CRACD: variants seen among roughly 807,000 people sequenced by gnomAD.
The protein encoded by CRACD is capping protein inhibiting regulator of actin dynamics.
In CRACD, 56 loss-of-function variants were observed where a neutral mutation model predicts 106.8. The observed-to-expected ratio is 0.52, with a 90% CI of 0.42 to 0.66. The LOEUF is 0.66. Ranked by LOEUF, CRACD falls within the 30% of genes least tolerant of loss-of-function variation. The pLI is 0.00. For synonymous variants in CRACD, 754 were observed against 670.8 expected (o/e 1.12, Z -1.92); for missense variants, 1,730 against 1,623.2 (o/e 1.07, Z -1.13).
chr4:56,246,205 C>T (rs1378346940), intron 2 of CRACD, among the ~76,000 whole-genome samples: 1 of 152,140 alleles, frequency 6.6e-6, no homozygotes, highest in Non-Finnish European at 1.5e-5. Context: ...ATTTTTCTAT[C>T]CTCTGAAAGT....
chr4:56,277,125 A>G (rs1432074747), intron 3 of CRACD, among the ~76,000 whole-genome samples: 1 of 152,124 alleles, frequency 6.6e-6, no homozygotes, highest in African/African-American at 2.4e-5. Flanking sequence ...ATAGGAGGGA[A>G]CTTTCCAACT....
At chr4:56,161,074 T>A (rs778563372) in intron 1 of CRACD, among the ~76,000 whole-genome samples, 10 of 152,180 alleles carry the variant, frequency 6.6e-5, no homozygotes, top group Non-Finnish European at 1.2e-4. Flanking sequence ...AAAAACTCAT[T>A]AATGTCTTTA....
At chr4:56,052,681 A>G (rs1731915996) in intron 1 of CRACD, among the ~76,000 whole-genome samples, 1 of 152,192 alleles carries the variant, frequency 6.6e-6, no homozygotes, top group African/African-American at 2.4e-5. Context: ...TTTACATTTG[A>G]TAATTGAAAT....
At chr4:56,085,976 ATTC>A (rs1733204917) in intron 1 of CRACD, among the ~76,000 whole-genome samples, 1 of 152,100 alleles carries the variant, frequency 6.6e-6, no homozygotes, top group African/African-American at 2.4e-5. Flanking sequence ...ACTATTTCCT[ATTC>A]TTCAATTCTC....
chr4:56,080,346 A>G (rs984280895), intron 1 of CRACD, among the ~76,000 whole-genome samples: 2 of 152,214 alleles, frequency 1.3e-5, no homozygotes, highest in Admixed American at 6.5e-5. Flanking sequence ...GATTTAAACA[A>G]TTCTAAATTT....
intron 2 of CRACD, among the ~76,000 whole-genome samples, chr4:56,195,140 T>C (rs1283133342): frequency 2.0e-5 from 3 of 152,148 alleles, no homozygotes; most frequent in Admixed American, 2.0e-4. Flanking sequence ...AATAAAAGGA[T>C]ATTTTGAGTT....
At chr4:56,225,582 C>T (rs1739260903) in intron 2 of CRACD, among the ~76,000 whole-genome samples, 1 of 152,090 alleles carries the variant, frequency 6.6e-6, no homozygotes, top group African/African-American at 2.4e-5. Flanking sequence ...TCCCCAAGTA[C>T]CCCTTATTCT....
Position 56,316,469 on chromosome 4 carries a change from G to A in CRACD, c.2967G>A (p.Leu989=), listed in dbSNP as rs371814523. 7.8e-5 allele frequency: 126 copies of A among 1,613,882 alleles called. No homozygotes were observed. Among genetic ancestry groups the A allele is most frequent in the Middle Eastern group, 3.3e-4 (2 of 6,084 alleles). Residue 989 remains leucine (L), a synonymous_variant, in exon 8 of 11, where the codon CTG becomes CTA. Transcript: ENST00000682029. The part of the protein sequence containing the change: ...KLSRPYLVEL[L]SRRAGRPDPE... ...GCAGGCCCTACTTGGTAGAGCTGCT[G>A]TCTCGCCGAGCGGGGAGGCCGGACC...
chr4:56,275,733 T>G (rs1742638336), intron 3 of CRACD, among the ~76,000 whole-genome samples: 1 of 152,240 alleles, frequency 6.6e-6, no homozygotes, highest in Admixed American at 6.5e-5. Flanking sequence ...TTATTTGCTA[T>G]CTCCAAAATG....
At position 56,098,704 on chromosome 4, in the gene CRACD, T is replaced by G. The variant is rs183802261; in HGVS notation, c.-336+49405T>G. ...TTGAAACTTGGTGCAATCTATTCTT[T>G]TTTTTGAGACAGAGGCTTGCTCTGT... is the stretch of plus-strand genomic sequence containing the variant. On this transcript the variant is annotated intron_variant, in intron 1 of 10. Transcript: ENST00000682029. Among the ~76,000 whole-genome samples the G allele has an allele frequency of 5.3e-5, 8 of 152,306 alleles. No individual in the cohort carries two copies. In the East Asian group the frequency reaches 1.5e-3, roughly 29 times the overall value.
At chr4:56,282,397 T>C (rs1335317962) in intron 3 of CRACD, among the ~76,000 whole-genome samples, 1 of 152,194 alleles carries the variant, frequency 6.6e-6, no homozygotes, top group Non-Finnish European at 1.5e-5. Flanking sequence ...TTTCCCTCTG[T>C]AGGCTCACAC....
chr4:56,112,510 A>G (rs913834528), intron 1 of CRACD, among the ~76,000 whole-genome samples: 5 of 134,516 alleles, frequency 3.7e-5, no homozygotes, highest in Non-Finnish European at 4.6e-5. Context: ...GCGGAAAGGA[A>G]TGTTAGCTCT....
chr4:56,316,790 A>G (rs1745701946), intron 8 of CRACD, 101 bp downstream of exon 8: 2 of 1,378,468 alleles, frequency 1.5e-6, no homozygotes, highest in Admixed American at 2.5e-5. Context: ...ATTTACCAAC[A>G]ATACAGATTT....
At chr4:56,110,179 T>C (rs1734071439) in intron 1 of CRACD, among the ~76,000 whole-genome samples, 1 of 152,110 alleles carries the variant, frequency 6.6e-6, no homozygotes, top group South Asian at 2.1e-4. Flanking sequence ...CACATAGATA[T>C]AAGAAGGCAG....
At chr4:56,188,982 G>A (rs769940311) in intron 2 of CRACD, among the ~76,000 whole-genome samples, 1 of 152,044 alleles carries the variant, frequency 6.6e-6, no homozygotes, top group African/African-American at 2.4e-5. Flanking sequence ...TAAGGAGTTC[G>A]AGACCAGCCT....
intron 1 of CRACD, among the ~76,000 whole-genome samples, chr4:56,124,636 A>G (rs1389646702): frequency 3.9e-5 from 6 of 152,198 alleles, no homozygotes; most frequent in African/African-American, 1.4e-4. Flanking sequence ...CACGGTCCAA[A>G]TAAGTTTCTT....
rs780905449 is a variant in CRACD, at chr4:56,316,191, G to C, written c.2689G>C (p.Gly897Arg). 2.5e-6 allele frequency: 4 copies of C among 1,614,086 alleles called. No individual in the cohort carries two copies. Among genetic ancestry groups the C allele is most frequent in the Admixed American group, 3.3e-5 (2 of 60,030 alleles). The change falls in exon 8 of 11, where the codon GGT becomes CGT. Residue 897 changes from glycine (G) to arginine (R), a missense_variant. This residue lies in a region of CRACD where 1,620 missense variants were observed against 1,481.6 expected (regional missense o/e 1.09). Transcript: ENST00000682029. ...GSARGEKEME[G>R]VALKHGPSLP... is the part of the protein sequence containing the mutation. Reference sequence around the variant, plus strand: ...CGCTCGTGGAGAGAAAGAGATGGAGGGTGTGGCCCTCAAGCATGGTCCATC... The same window carrying C: ...CGCTCGTGGAGAGAAAGAGATGGAGCGTGTGGCCCTCAAGCATGGTCCATC...
At position 56,233,834 on chromosome 4, in the gene CRACD, A is replaced by C. The variant is rs72627503; in HGVS notation, c.-188-38487A>C. 0.035 allele frequency among the ~76,000 whole-genome samples: 5,341 copies of C among 152,252 alleles called. 633 individuals carry two copies. In the East Asian group the frequency reaches 0.41, roughly 12 times the overall value. ...GTCTTCCAACCCATGTATATGGTAT[A>C]TCTCTTCAATTATTAAGTTATTTTT... On this transcript the variant is annotated intron_variant, in intron 2 of 10. Coordinates refer to ENST00000682029, the MANE Select transcript of CRACD (RefSeq NM_001393381.1).
rs116525691 is a variant in CRACD, at chr4:56,169,290, C to T, written c.-335-9994C>T. Among the ~76,000 whole-genome samples the T allele has an allele frequency of 3.8e-3, 573 of 152,222 alleles. 2 individuals carry two copies. Among genetic ancestry groups the T allele is most frequent in the African/African-American group, 0.013 (545 of 41,546 alleles). On this transcript the variant is annotated intron_variant, in intron 1 of 10. Transcript: ENST00000682029. The stretch of plus-strand genomic sequence containing the variant: ...TTCCATATGGAAGGCCATATGGTTA[C>T]AGTTTTGGGAACAAGCATCATATCT...
Sources: allele counts gnomAD v4.1 joint callset (sites outside exome capture counted in the v4.1 genomes callset), GRCh38; gene constraint gnomAD v4.1.1; regional missense constraint gnomAD v4.1.1; transcripts MANE v1.5; gene names NCBI Gene and HGNC (gene_info 2026-07-23, HGNC 2026-07-21).